The following PDE1C variants were observed in gnomAD, a reference collection of about 807,000 sequenced individuals.
PDE1C encodes the protein phosphodiesterase 1C.
Under a neutral mutation model 93.1 loss-of-function variants are expected in PDE1C, and 62 were observed. The observed-to-expected ratio is 0.67, with a 90% CI of 0.54 to 0.82. The LOEUF is 0.82. Among genes scored for constraint, PDE1C ranks in the 40% least tolerant of loss-of-function variants. PDE1C has a pLI of 0.00. For missense variants in PDE1C, 742 were observed against 884.6 expected, an observed-to-expected ratio of 0.84 and a Z score of 2.04; for synonymous variants, 325 against 310.1, an observed-to-expected ratio of 1.05 and a Z score of -0.50.
chr7:32,371,644 C>G (rs1000091213), intron 1 of PDE1C, among the ~76,000 whole-genome samples: 5 of 152,182 alleles, frequency 3.3e-5, no homozygotes, highest in Non-Finnish European at 4.4e-5. Flanking sequence ...AAAATACTTA[C>G]AAATACATTT....
chr7:32,191,364 T>C (rs771498157), intron 2 of PDE1C, among the ~76,000 whole-genome samples: 6 of 132,576 alleles, frequency 4.5e-5, no homozygotes, highest in Non-Finnish European at 1.0e-4. Context: ...TATCCTGTTA[T>C]AGCCTTACTC....
the PDE1C span, chr7:31,643,061 A>G: frequency 1.9e-6 from 3 of 1,613,934 alleles, no homozygotes; most frequent in East Asian, 2.2e-5. Flanking sequence ...AAATATGATC[A>G]TCCTCTGGGG....
At chr7:32,151,231 C>T (rs1293030550) in intron 3 of PDE1C, among the ~76,000 whole-genome samples, 1 of 152,128 alleles carries the variant, frequency 6.6e-6, no homozygotes, top group Non-Finnish European at 1.5e-5. Flanking sequence ...GCCCCACCCC[C>T]ACAAACAGAA....
intron 2 of PDE1C, among the ~76,000 whole-genome samples, chr7:31,919,931 G>T (rs897890726): frequency 6.6e-6 from 1 of 152,168 alleles, no homozygotes; most frequent in African/African-American, 2.4e-5. Flanking sequence ...CATTGCCTGG[G>T]AGCCAGGCTG....
chr7:32,019,125 C>T lies in PDE1C; in HGVS notation c.128+32429G>A, dbSNP rs1456378469. ...TCAAGTTTATCCTTGAGTAGAGGGG[C>T]ACCACAAGACACATTATGTTGTTTT... On this transcript the variant is annotated intron_variant, in intron 2 of 17. Transcript: ENST00000396191. Among the ~76,000 whole-genome samples the T allele has an allele frequency of 1.3e-4, 19 of 143,370 alleles. 1 individual carries two copies. Among genetic ancestry groups the T allele is most frequent in the Admixed American group, 1.3e-3 (18 of 13,920 alleles). The allele number at this position is 143,370 out of a possible 152,430, so 94.1% of individuals were successfully genotyped here. A position where few individuals can be genotyped will look rare whatever the true frequency, so the allele number is the denominator to read the frequency against.
At chr7:32,344,468 G>A (rs1195240049) in intron 1 of PDE1C, among the ~76,000 whole-genome samples, 2 of 152,086 alleles carry the variant, frequency 1.3e-5, no homozygotes, top group Non-Finnish European at 2.9e-5. Context: ...CTCCTGCCTC[G>A]CTTTTCCTTG....
intron 16 of PDE1C, chr7:31,787,344 G>C (rs997152185): frequency 6.6e-6 from 1 of 152,292 alleles, no homozygotes; most frequent in South Asian, 2.1e-4. Flanking sequence ...GTGGAAGAAA[G>C]TCCATTTGAA....
At chr7:32,001,328 C>T (rs1436792643) in intron 2 of PDE1C, among the ~76,000 whole-genome samples, 1 of 152,070 alleles carries the variant, frequency 6.6e-6, no homozygotes, top group Non-Finnish European at 1.5e-5. Context: ...ACAAAAGATC[C>T]CATATCAGGA....
chr7:31,787,495 A>G lies in PDE1C; in HGVS notation c.1892-11763T>C, dbSNP rs552152476. Reference sequence around the variant, plus strand: ...TTATGCCACTGAAACGTACCACATTAACACAACTTAAATATAGAGCTATTT... The same window carrying G: ...TTATGCCACTGAAACGTACCACATTGACACAACTTAAATATAGAGCTATTT... On this transcript the variant is annotated intron_variant, in intron 16 of 17. Transcript: ENST00000396191. The G allele has an allele frequency of 2.0e-5, 3 of 152,356 alleles. No individual in the cohort carries two copies. In the South Asian group the frequency reaches 6.2e-4, roughly 32 times the overall value. The allele number at this position is 152,356 out of a possible 1,614,324, so 9.4% of individuals were successfully genotyped here.
intron 7 of PDE1C, among the ~76,000 whole-genome samples, chr7:31,861,354 T>A (rs763719650): frequency 1.3e-5 from 2 of 152,160 alleles, no homozygotes; most frequent in Non-Finnish European, 2.9e-5. Flanking sequence ...ATTCACTCTG[T>A]CTTTAGATAA....
intron 2 of PDE1C, among the ~76,000 whole-genome samples, chr7:31,936,006 T>G (rs1805005884): frequency 6.6e-6 from 1 of 152,184 alleles, no homozygotes. Flanking sequence ...TAGGAGGGAA[T>G]GCCGTCTGTA....
chr7:31,748,776 C>T (rs1380173575), downstream of PDE1C, among the ~76,000 whole-genome samples: 2 of 152,202 alleles, frequency 1.3e-5, no homozygotes, highest in Admixed American at 1.3e-4. Context: ...AGTCATGAAG[C>T]CTTCACCCAC....
intron 2 of PDE1C, among the ~76,000 whole-genome samples, chr7:31,882,734 A>G (rs1797405340): frequency 6.6e-6 from 1 of 152,198 alleles, no homozygotes; most frequent in Non-Finnish European, 1.5e-5. Context: ...AGTAGAATCC[A>G]TCTCAATTCT....
intron 6 of PDE1C, among the ~76,000 whole-genome samples, chr7:31,872,474 T>C (rs1211180487): frequency 1.3e-5 from 2 of 152,130 alleles, no homozygotes; most frequent in Non-Finnish European, 2.9e-5. Context: ...TCTATGCGTG[T>C]AACAAAATAT....
chr7:31,780,295 G>GT (rs1783306549), intron 16 of PDE1C, among the ~76,000 whole-genome samples: 1 of 152,310 alleles, frequency 6.6e-6, no homozygotes, highest in African/African-American at 2.4e-5. Context: ...AACAACTGGT[G>GT]TGCTCATCCT....
the PDE1C span, among the ~76,000 whole-genome samples, chr7:31,706,540 C>T: frequency 6.6e-6 from 1 of 152,272 alleles, no homozygotes; most frequent in South Asian, 2.1e-4. Context: ...TCTCATTTTG[C>T]TCTGAACCAT....
At chr7:31,618,932 T>C in the PDE1C span, among the ~76,000 whole-genome samples, 1 of 152,238 alleles carries the variant, frequency 6.6e-6, no homozygotes, top group Non-Finnish European at 1.5e-5. Flanking sequence ...GTTTATCATA[T>C]GTGTCGAGAG....
chr7:32,311,168 T>A (rs971802727), intron 1 of PDE1C, among the ~76,000 whole-genome samples: 2 of 152,138 alleles, frequency 1.3e-5, no homozygotes, highest in Non-Finnish European at 2.9e-5. Flanking sequence ...ATGGATAAAT[T>A]CCTCAACACA....
chr7:32,405,004 A>C (rs1176253140), intron 1 of PDE1C, among the ~76,000 whole-genome samples: 1 of 152,138 alleles, frequency 6.6e-6, no homozygotes, highest in Non-Finnish European at 1.5e-5. Flanking sequence ...TATTTCATCA[A>C]AGCTTTATCT....
Sources: allele counts gnomAD v4.1 joint callset (sites outside exome capture counted in the v4.1 genomes callset), GRCh38; gene constraint gnomAD v4.1.1; transcripts MANE v1.5; gene names NCBI Gene and HGNC (gene_info 2026-07-23, HGNC 2026-07-21).